The following SAMD8 variants were observed in gnomAD, a reference collection of about 807,000 sequenced individuals.
SAMD8 encodes the protein sterile alpha motif domain containing 8, also known as sphingomyelin synthase-related protein 1.
In SAMD8, 20 loss-of-function variants were observed where a neutral mutation model predicts 42.0. That is an observed-to-expected ratio of 0.48 (90% CI 0.34 to 0.69). The LOEUF (loss-of-function observed/expected upper bound fraction) is 0.69. SAMD8 is among the 30% of genes least tolerant of loss of function. SAMD8 has a pLI of 0.01. For missense variants in SAMD8, 328 were observed against 511.6 expected (o/e 0.64, Z 3.46); for synonymous variants, 162 against 173.0 (o/e 0.94, Z 0.50).
intron 1 of SAMD8, among the ~76,000 whole-genome samples, chr10:75,140,967 CCT>C (rs767239157): frequency 5.9e-5 from 9 of 151,824 alleles, no homozygotes; most frequent in Non-Finnish European, 1.2e-4. Context: ...CAGATTTATC[CCT>C]GAGTATTTAA....
intron 4 of SAMD8, among the ~76,000 whole-genome samples, chr10:75,173,826 A>C (rs918741001): frequency 6.6e-6 from 1 of 152,284 alleles, no homozygotes; most frequent in South Asian, 2.1e-4. Context: ...ATTTGATAGA[A>C]TCTTTAAGAC....
chr10:75,160,881 A>T (rs1293997704), intron 2 of SAMD8, among the ~76,000 whole-genome samples: 1 of 152,186 alleles, frequency 6.6e-6, no homozygotes, highest in African/African-American at 2.4e-5. Flanking sequence ...AAGCCTGGGC[A>T]ACATGGTGAA....
intron 1 of SAMD8, among the ~76,000 whole-genome samples, chr10:75,102,718 C>T (rs867256131): frequency 3.3e-5 from 5 of 152,052 alleles, no homozygotes; most frequent in South Asian, 2.1e-4. Context: ...TTTGGGAGGC[C>T]GAGGTGGGCG....
chr10:75,117,716 TCAAA>T (rs374153741), intron 1 of SAMD8, among the ~76,000 whole-genome samples: 24 of 152,296 alleles, frequency 1.6e-4, no homozygotes, highest in African/African-American at 5.1e-4. Flanking sequence ...AAATGCTTTC[TCAAA>T]CAAACAAACA....
At chr10:75,128,333 A>G (rs1378341644) in intron 1 of SAMD8, among the ~76,000 whole-genome samples, 2 of 152,030 alleles carry the variant, frequency 1.3e-5, no homozygotes, top group African/African-American at 4.8e-5. Flanking sequence ...TCGACCTCCA[A>G]CAGTGCTAGG....
rs1841054037 is a variant in SAMD8, at chr10:75,180,093, T to A, written c.*3401T>A. On this transcript the variant is annotated 3_prime_UTR_variant, in exon 6 of 6. Coordinates refer to ENST00000542569, the MANE Select transcript of SAMD8 (RefSeq NM_001174156.2). ...TTGAAGAGTGGTAGAGAGTAAGAGG[T>A]TTTGAAGGAGGCAGGTTTGCTGTTA... 6.6e-6 allele frequency: 1 copy of A among 151,394 alleles called. No homozygotes were observed. The highest frequency in any genetic ancestry group is 2.4e-5 in the African/African-American group (1 of 41,132). 9.4% of individuals were successfully genotyped at this position (151,394 alleles called of 1,614,324 possible). A position where few individuals can be genotyped will look rare whatever the true frequency, so the allele number is the denominator to read the frequency against.
chr10:75,133,719 A>G (rs1335306639), intron 1 of SAMD8, among the ~76,000 whole-genome samples: 2 of 152,230 alleles, frequency 1.3e-5, no homozygotes, highest in Non-Finnish European at 2.9e-5. Context: ...AGAAAGACAA[A>G]TACTACATGA....
rs116736022 is a variant in SAMD8 at position 75,162,170 on chromosome 10, C to G, written c.579-2475C>G. 8.1e-4 allele frequency among the ~76,000 whole-genome samples: 124 copies of G among 152,198 alleles called. 1 individual carries two copies. Among genetic ancestry groups the G allele is most frequent in the African/African-American group, 2.8e-3 (115 of 41,536 alleles). On this transcript the variant is annotated intron_variant, in intron 2 of 5. Transcript: ENST00000542569. ...GGTCAGCAGTTTGAGACCGGCCTAGCCAACATTGTGAAACGCTTTCTCTAC... is the reference window on the plus strand; with the variant it reads ...GGTCAGCAGTTTGAGACCGGCCTAGGCAACATTGTGAAACGCTTTCTCTAC...
At chr10:75,116,177 C>T (rs1371540914) in intron 1 of SAMD8, among the ~76,000 whole-genome samples, 1 of 151,880 alleles carries the variant, frequency 6.6e-6, no homozygotes, top group Non-Finnish European at 1.5e-5. Flanking sequence ...ATGGCTTATG[C>T]AGCCTTGAAC....
intron 1 of SAMD8, among the ~76,000 whole-genome samples, chr10:75,135,561 C>G (rs914063440): frequency 1.4e-5 from 2 of 146,992 alleles, no homozygotes; most frequent in Admixed American, 1.4e-4. Flanking sequence ...CGCGGTGGCT[C>G]ATGCCTGTAA....
chr10:75,122,633 C>T (rs943302964), intron 1 of SAMD8, among the ~76,000 whole-genome samples: 2 of 148,284 alleles, frequency 1.3e-5, no homozygotes, highest in African/African-American at 5.0e-5. Context: ...AAAAAAAATT[C>T]TTGGCTGGGC....
intron 1 of SAMD8, among the ~76,000 whole-genome samples, chr10:75,117,699 A>G (rs1460553406): frequency 6.6e-6 from 1 of 152,228 alleles, no homozygotes; most frequent in African/African-American, 2.4e-5. Flanking sequence ...CCTGGGCTAC[A>G]AGAGTGAAAT....
chr10:75,172,421 A>G (rs1589979772), intron 4 of SAMD8, among the ~76,000 whole-genome samples: 1 of 151,940 alleles, frequency 6.6e-6, no homozygotes, highest in South Asian at 2.1e-4. Context: ...GTCAGCCTAA[A>G]ATTCCTGGTC....
rs60024591 is a variant in SAMD8, at chr10:75,148,346, CTT to C, written c.-15-2144_-15-2143del. 6.5e-3 allele frequency among the ~76,000 whole-genome samples: 537 copies of C among 82,468 alleles called. 1 individual carries two copies. The highest frequency in any genetic ancestry group is 0.032 in the African/African-American group (494 of 15,234). The allele number at this position is 82,468 out of a possible 152,430, so 54.1% of individuals were successfully genotyped here. On this transcript the variant is annotated intron_variant, in intron 1 of 5. Transcript: ENST00000542569. ...GGGAAAGAATGCAGAGCAATACCAG[CTT>C]TTTTTTTTTTTTTTTTTTTTTTTGA...
chr10:75,147,150 CAT>C (rs1840156648), intron 1 of SAMD8, among the ~76,000 whole-genome samples: 1 of 151,954 alleles, frequency 6.6e-6, no homozygotes. Context: ...TGGAAAAAAA[CAT>C]ATAAAAGAAG....
At chr10:75,111,577 G>A, upstream of SAMD8, 2 of 1,250,510 alleles carry the variant, frequency 1.6e-6, no homozygotes, top group South Asian at 3.4e-5. Context: ...CACCGCCCCC[G>A]CCTCCACTCC....
In SAMD8 at chr10:75,176,507, A is replaced by G; in HGVS notation, c.1063A>G (p.Ile355Val). ...TATTGATGTGTTTATTGCTTTTTATATAACAACAAGACTCTTTTTGTACTA... is the reference window on the plus strand; with the variant it reads ...TATTGATGTGTTTATTGCTTTTTATGTAACAACAAGACTCTTTTTGTACTA... ...YSIDVFIAFY[I>V]TTRLFLYYHT... The change falls in exon 6 of 6, where the codon ATA (isoleucine) becomes GTA (valine). Residue 355 changes from isoleucine to valine, a missense_variant. Physicochemically the swap from Ile to Val is conservative, Grantham distance 29 (BLOSUM62 3). Around this residue, in one of 2 missense-constraint regions of SAMD8, gnomAD observed 178 missense variants for 325.6 expected, o/e 0.55. Coordinates refer to ENST00000542569, the MANE Select transcript of SAMD8 (RefSeq NM_001174156.2). The surrounding 1 kb of genome is among the most constrained non-coding windows in gnomAD (Gnocchi z 4.3). 2 of 1,550,704 alleles carry G rather than the reference A, an allele frequency of 1.3e-6. No homozygotes were observed. The highest frequency in any genetic ancestry group is 1.2e-5 in the South Asian group (1 of 84,072).
At chr10:75,164,074 G>C (rs879915806) in intron 2 of SAMD8, among the ~76,000 whole-genome samples, 16 of 152,100 alleles carry the variant, frequency 1.1e-4, no homozygotes, top group Non-Finnish European at 1.6e-4. Context: ...AAGTTAGCCA[G>C]GCATAGTTTC....
At chr10:75,113,376 C>G (rs541052324) in intron 1 of SAMD8, among the ~76,000 whole-genome samples, 1 of 150,602 alleles carries the variant, frequency 6.6e-6, no homozygotes, top group East Asian at 1.9e-4. Context: ...TCCTTCTTTT[C>G]TTTTCTTTCC....
Sources: allele counts gnomAD v4.1 joint callset (sites outside exome capture counted in the v4.1 genomes callset), GRCh38; gene constraint gnomAD v4.1.1; regional missense constraint gnomAD v4.1.1; non-coding constraint Gnocchi (gnomAD v3.1); transcripts MANE v1.5; gene names NCBI Gene and HGNC (gene_info 2026-07-23, HGNC 2026-07-21).